PECAM1: variants seen among roughly 807,000 people sequenced by gnomAD.
The protein encoded by PECAM1 is platelet endothelial cell adhesion molecule.
PECAM1 carries 8 observed loss-of-function variants against 13.8 expected under a neutral mutation model. The observed-to-expected ratio is 0.58, with a 90% CI of 0.34 to 1.05. PECAM1 has a LOEUF of 1.05. Among genes scored for constraint, PECAM1 ranks in the 50% least tolerant of loss-of-function variants. The pLI is 0.03. For synonymous variants in PECAM1, 136 were observed against 52.6 expected (o/e 2.58, Z -6.86); for missense variants, 304 against 141.2 (o/e 2.15, Z -5.84).
intron 7 of PECAM1, among the ~76,000 whole-genome samples, chr17:64,359,835 C>A (rs2035932328): frequency 6.6e-6 from 1 of 151,924 alleles, no homozygotes; most frequent in Admixed American, 6.6e-5. Context: ...TCAGTGCAAC[C>A]TCTGCTTCCT....
intron 2 of PECAM1, among the ~76,000 whole-genome samples, chr17:64,383,513 C>T (rs1243061139): frequency 6.6e-6 from 1 of 152,174 alleles, no homozygotes; most frequent in Non-Finnish European, 1.5e-5. Flanking sequence ...GGGGGTTTTT[C>T]TGTGCCAAGC....
At chr17:64,345,617 G>A (rs1046685684) in intron 13 of PECAM1, among the ~76,000 whole-genome samples, 2 of 151,690 alleles carry the variant, frequency 1.3e-5, no homozygotes, top group Admixed American at 1.3e-4. Context: ...GGAGGCTGAG[G>A]CAGGAGAATA....
chr17:64,321,628 G>A lies in PECAM1; in HGVS notation c.*2188C>T. The stretch of plus-strand genomic sequence containing the variant: ...AATTAAAAATTAGCCAGCTATGGCG[G>A]CTCACGCCTCTGGTCCCAGCTACCC... On this transcript the variant is annotated 3_prime_UTR_variant, in exon 16 of 16. Transcript: ENST00000563924. 3 of 472,910 alleles carry A rather than the reference G, an allele frequency of 6.3e-6. No individual in the cohort carries two copies. Among genetic ancestry groups the A allele is most frequent in the South Asian group, 3.8e-5 (1 of 26,542 alleles). The allele number at this position is 472,910 out of a possible 1,614,324, so 29.3% of individuals were successfully genotyped here.
At chr17:64,323,900 T>C in intron 15 of PECAM1, 55 bp from the exon 16 acceptor site, 1 of 790,260 alleles carries the variant, frequency 1.3e-6, no homozygotes, top group Non-Finnish European at 2.3e-6. Context: ...GATTGAAGAT[T>C]GCCCTGGTGG....
intron 2 of PECAM1, among the ~76,000 whole-genome samples, chr17:64,387,469 A>C (rs998228568): frequency 6.6e-6 from 1 of 152,216 alleles, no homozygotes; most frequent in Non-Finnish European, 1.5e-5. Context: ...TTTTTCCTAA[A>C]AAAAGAGTTC....
At chr17:64,326,809 C>T (rs1193751216) in intron 15 of PECAM1, among the ~76,000 whole-genome samples, 1 of 152,180 alleles carries the variant, frequency 6.6e-6, no homozygotes, top group East Asian at 1.9e-4. Context: ...CATCAGCCAC[C>T]CAAGTGCAGT....
chr17:64,379,620 C>G (rs2036437185), intron 2 of PECAM1, among the ~76,000 whole-genome samples: 1 of 152,268 alleles, frequency 6.6e-6, no homozygotes, highest in African/African-American at 2.4e-5. Flanking sequence ...CTGTGGTTGT[C>G]TTTTCCAAGC....
In PECAM1 at chr17:64,329,727, A is replaced by C. The variant is rs1445835510; in HGVS notation, c.2165-5T>G. 3 of 769,178 alleles carry C rather than the reference A, an allele frequency of 3.9e-6. No homozygotes were observed. In the African/African-American group the frequency reaches 5.1e-5, roughly 13 times the overall value. 47.6% of individuals were successfully genotyped at this position (769,178 alleles called of 1,614,324 possible). A position where few individuals can be genotyped will look rare whatever the true frequency, so the allele number is the denominator to read the frequency against. On this transcript the variant is annotated splice_polypyrimidine_tract_variant and splice_region_variant and intron_variant, in intron 14 of 15. Coordinates refer to ENST00000563924, the MANE Select transcript of PECAM1 (RefSeq NM_000442.5). ...AGTATCTGCTTTCCACGGCATCTAC[A>C]AAACAAAGGATGACATGGCAGTGAG...
At chr17:64,358,891 G>A (rs2035908155) in intron 7 of PECAM1, among the ~76,000 whole-genome samples, 1 of 151,762 alleles carries the variant, frequency 6.6e-6, no homozygotes, top group Non-Finnish European at 1.5e-5. Context: ...CTGCCTCCCA[G>A]GTTCAAATGA....
At chr17:64,337,912 CTTT>C (rs35448806) in intron 14 of PECAM1, among the ~76,000 whole-genome samples, 2 of 140,530 alleles carry the variant, frequency 1.4e-5, no homozygotes, top group Admixed American at 7.2e-5. Context: ...CTACTTCTTC[CTTT>C]TTTTTTTTTT....
intron 2 of PECAM1, among the ~76,000 whole-genome samples, chr17:64,384,914 A>G (rs8067406): frequency 0.061 from 9,367 of 152,354 alleles, 962 homozygotes; most frequent in African/African-American, 0.21. Context: ...AAACATTATC[A>G]TCTTTCTAAA....
At chr17:64,389,044 C>T (rs1318530680) in intron 2 of PECAM1, among the ~76,000 whole-genome samples, 2 of 152,270 alleles carry the variant, frequency 1.3e-5, no homozygotes, top group Middle Eastern at 3.4e-3. Context: ...ATCCTGCCTC[C>T]GTGGGTTGCC....
chr17:64,327,422 C>T (rs181920293), intron 15 of PECAM1, among the ~76,000 whole-genome samples: 14 of 152,342 alleles, frequency 9.2e-5, no homozygotes, highest in African/African-American at 3.4e-4. Flanking sequence ...GGAAGACAGG[C>T]TCACCCAAAA....
chr17:64,338,236 A>T (rs968261588), intron 14 of PECAM1, among the ~76,000 whole-genome samples: 4,298 of 121,064 alleles, frequency 0.036, 84 homozygotes, highest in Middle Eastern at 0.066. Context: ...TAAATTTTTT[A>T]AAATTTTTTT....
chr17:64,382,460 T>A (rs1458786550), intron 2 of PECAM1, among the ~76,000 whole-genome samples: 2 of 152,212 alleles, frequency 1.3e-5, no homozygotes, highest in Admixed American at 1.3e-4. Context: ...TTACTTAAAG[T>A]AGAGTTCCTG....
chr17:64,382,162 TC>T (rs2036495973), intron 2 of PECAM1, among the ~76,000 whole-genome samples: 1 of 152,186 alleles, frequency 6.6e-6, no homozygotes, highest in Non-Finnish European at 1.5e-5. Context: ...TTAATATAGT[TC>T]CCTCCCAACC....
intron 14 of PECAM1, among the ~76,000 whole-genome samples, chr17:64,333,943 CAAAAAA>C (rs869179014): frequency 0.099 from 6,858 of 69,606 alleles, 236 homozygotes; most frequent in Middle Eastern, 0.18. Context: ...GACCCTGTCT[CAAAAAA>C]AAAAAAAAAA....
At chr17:64,378,487 C>T (rs1253528151) in intron 2 of PECAM1, among the ~76,000 whole-genome samples, 2 of 151,976 alleles carry the variant, frequency 1.3e-5, no homozygotes, top group African/African-American at 4.8e-5. Flanking sequence ...ACTAAAAATA[C>T]AAAAATTAGC....
chr17:64,360,225 A>G lies in PECAM1; in HGVS notation c.1407T>C (p.Thr469=), dbSNP rs2035941266. Residue 469 remains threonine, a synonymous_variant, in exon 7 of 16, where the codon ACT becomes ACC. Transcript: ENST00000563924. ...CAACACACTGGTATTCGACGTCTTC[A>G]GTGGGGTTGTCTTTGAATACCGCAG... ...NDPAVFKDNP[T]EDVEYQCVAD... 5 of 475,420 alleles carry G rather than the reference A, an allele frequency of 1.1e-5. No homozygotes were observed. Among genetic ancestry groups the G allele is most frequent in the African/African-American group, 2.0e-5 (1 of 50,648 alleles). The allele number at this position is 475,420 out of a possible 1,614,324, so 29.5% of individuals were successfully genotyped here. A position where few individuals can be genotyped will look rare whatever the true frequency, so the allele number is the denominator to read the frequency against.
Sources: gnomAD v4.1 joint callset for allele counts (sites outside exome capture counted in the v4.1 genomes callset) on GRCh38, gnomAD v4.1.1 for gene constraint, MANE v1.5 for transcripts, NCBI Gene and HGNC (gene_info 2026-07-23, HGNC 2026-07-21) for gene names.